EYS: variants seen among roughly 807,000 people sequenced by gnomAD.
EYS encodes the protein protein eyes shut homolog.
A neutral mutation model predicts 282.1 loss-of-function variants in EYS; 250 were observed. That is an observed-to-expected ratio of 0.89 (90% confidence interval 0.80 to 0.98). EYS has a LOEUF of 0.98. Ranked by LOEUF, EYS falls within the 50% of genes least tolerant of loss-of-function variation. The pLI, the probability that EYS is intolerant of heterozygous loss-of-function variation, is 0.00. For missense variants in EYS, 4,016 were observed against 3,709.0 expected, an observed-to-expected ratio of 1.08 and a Z score of -2.15; for synonymous variants, 1,355 against 1,282.9, an observed-to-expected ratio of 1.06 and a Z score of -1.20.
intron 28 of EYS, among the ~76,000 whole-genome samples, chr6:64,389,931 C>G (rs604228): frequency 0.69 from 102,808 of 149,268 alleles, 35,423 homozygotes; most frequent in Non-Finnish European, 0.71. Flanking sequence ...GTGCGCCAGC[C>G]GAAGCAGGGC....
At chr6:65,011,540 C>A (rs1171109749) in intron 13 of EYS, among the ~76,000 whole-genome samples, 1 of 152,172 alleles carries the variant, frequency 6.6e-6, no homozygotes, top group Non-Finnish European at 1.5e-5. Context: ...GAAATCTCAA[C>A]TGCACAACCC....
intron 2 of EYS, among the ~76,000 whole-genome samples, chr6:65,523,655 G>A (rs9445554): frequency 3.3e-5 from 5 of 151,808 alleles, no homozygotes; most frequent in Admixed American, 2.0e-4. Context: ...TGTTGTATAC[G>A]CTAAATATGC....
intron 22 of EYS, among the ~76,000 whole-genome samples, chr6:64,751,795 C>A (rs1410516685): frequency 6.6e-6 from 1 of 152,170 alleles, no homozygotes; most frequent in Non-Finnish European, 1.5e-5. Context: ...ATCACAGCCC[C>A]ATATGTGGCA....
intron 8 of EYS, among the ~76,000 whole-genome samples, chr6:65,375,286 A>G (rs2150344811): frequency 6.6e-6 from 1 of 152,300 alleles, no homozygotes; most frequent in East Asian, 1.9e-4. Context: ...GACCTGCAGA[A>G]GAGGGGCCTG....
intron 22 of EYS, among the ~76,000 whole-genome samples, chr6:64,676,347 T>TAGAGAGAGAG (rs201755959): frequency 1.4e-5 from 2 of 140,846 alleles, no homozygotes; most frequent in Non-Finnish European, 3.2e-5. Context: ...TCTATATATA[T>TAGAGAGAGAG]ATATAGAGAG....
chr6:64,758,555 T>C (rs1773053168), intron 22 of EYS, among the ~76,000 whole-genome samples: 1 of 152,138 alleles, frequency 6.6e-6, no homozygotes, highest in Non-Finnish European at 1.5e-5. Context: ...GCTACAATTA[T>C]TGTGCCTATA....
intron 33 of EYS, among the ~76,000 whole-genome samples, chr6:64,060,469 A>G (rs142513687): frequency 1.7e-3 from 264 of 152,272 alleles, no homozygotes; most frequent in African/African-American, 6.0e-3. Context: ...TATGGGTATT[A>G]TAAGAAGTAG....
chr6:63,752,041 T>C (rs989711832), intron 41 of EYS, among the ~76,000 whole-genome samples: 1 of 152,222 alleles, frequency 6.6e-6, no homozygotes, highest in Non-Finnish European at 1.5e-5. Context: ...TTCCATGTTT[T>C]GTGAAGCACA....
intron 28 of EYS, among the ~76,000 whole-genome samples, chr6:64,408,363 C>T (rs1773788962): frequency 6.6e-6 from 1 of 152,122 alleles, no homozygotes; most frequent in Admixed American, 6.5e-5. Flanking sequence ...AGCCTCCCTC[C>T]AATCACCTGA....
intron 22 of EYS, among the ~76,000 whole-genome samples, chr6:64,627,049 C>T (rs1214172606): frequency 6.6e-6 from 1 of 152,180 alleles, no homozygotes; most frequent in Non-Finnish European, 1.5e-5. Context: ...ATTTAGATGT[C>T]AGCTGTTAAA....
At chr6:65,642,340 C>A (rs574462916) in intron 1 of EYS, among the ~76,000 whole-genome samples, 4 of 152,118 alleles carry the variant, frequency 2.6e-5, no homozygotes, top group Non-Finnish European at 5.9e-5. Context: ...TTAAGCACTG[C>A]ATAATTATTT....
chr6:65,491,286 C>CACAT (rs1766034448), intron 4 of EYS: 1 of 233,912 alleles, frequency 4.3e-6, no homozygotes, highest in Non-Finnish European at 8.6e-6. Context: ...CACACACACA[C>CACAT]ACACACACAC....
At chr6:64,331,665 T>A (rs991397418) in intron 29 of EYS, among the ~76,000 whole-genome samples, 2 of 151,248 alleles carry the variant, frequency 1.3e-5, no homozygotes, top group Non-Finnish European at 2.9e-5. Context: ...TAGAGACTCT[T>A]GTAGGACAGC....
At chr6:64,756,384 C>T (rs1021698111) in intron 22 of EYS, among the ~76,000 whole-genome samples, 4 of 152,004 alleles carry the variant, frequency 2.6e-5, no homozygotes, top group Admixed American at 1.3e-4. Context: ...AAGGATCTTG[C>T]TTTTTTAAGC....
At chr6:65,491,971 G>C (rs866972249) in intron 4 of EYS, among the ~76,000 whole-genome samples, 13 of 152,214 alleles carry the variant, frequency 8.5e-5, no homozygotes, top group African/African-American at 2.9e-4. Context: ...GCAGTCTATG[G>C]ACCAAGCAAA....
intron 12 of EYS, among the ~76,000 whole-genome samples, chr6:65,284,029 C>G (rs1416832331): frequency 6.6e-6 from 1 of 152,050 alleles, no homozygotes; most frequent in African/African-American, 2.4e-5. Flanking sequence ...TCCATCAAAG[C>G]GATGCACCAG....
intron 26 of EYS, among the ~76,000 whole-genome samples, chr6:64,462,443 T>C (rs1775779165): frequency 6.6e-6 from 1 of 152,312 alleles, no homozygotes; most frequent in Admixed American, 6.5e-5. Context: ...AGTGTGATTG[T>C]ATACAAAGAC....
At chr6:63,780,322 C>T (rs549794972) in intron 39 of EYS, among the ~76,000 whole-genome samples, 20 of 152,220 alleles carry the variant, frequency 1.3e-4, no homozygotes, top group Non-Finnish European at 2.8e-4. Flanking sequence ...GGAATCCACT[C>T]ACTGTCTTCC....
chr6:65,567,823 A>T (rs545296392), intron 2 of EYS, among the ~76,000 whole-genome samples: 1 of 152,240 alleles, frequency 6.6e-6, no homozygotes, highest in East Asian at 1.9e-4. Context: ...TTGCTCCCTT[A>T]AGTGGGCCTC....
Sources: gnomAD v4.1 joint callset for allele counts (sites outside exome capture counted in the v4.1 genomes callset) on GRCh38, gnomAD v4.1.1 for gene constraint, MANE v1.5 for transcripts, NCBI Gene and HGNC (gene_info 2026-07-23, HGNC 2026-07-21) for gene names.